KCNH8: variants seen among roughly 807,000 people sequenced by gnomAD.
KCNH8 encodes the protein potassium voltage-gated channel subfamily H member 8, also known as voltage-gated delayed rectifier potassium channel KCNH8.
In KCNH8, 70 loss-of-function variants were observed where a neutral mutation model predicts 103.6. The observed-to-expected ratio is 0.68, with a 90% CI of 0.56 to 0.82. The LOEUF is 0.82. Among genes scored for constraint, KCNH8 ranks in the 40% least tolerant of loss-of-function variants. KCNH8 has a pLI of 0.00. For synonymous variants in KCNH8, 498 were observed against 489.4 expected (o/e 1.02, Z -0.23); for missense variants, 1,217 against 1,329.9 (o/e 0.92, Z 1.32).
chr3:19,262,529 A>G (rs1339610169), intron 2 of KCNH8, among the ~76,000 whole-genome samples: 2 of 152,030 alleles, frequency 1.3e-5, no homozygotes, highest in East Asian at 3.9e-4. Context: ...TTTGAAGCAC[A>G]TGTGACTTCC....
At chr3:19,516,309 T>C (rs957627311) in intron 14 of KCNH8, among the ~76,000 whole-genome samples, 8 of 152,116 alleles carry the variant, frequency 5.3e-5, no homozygotes, top group African/African-American at 1.7e-4. Flanking sequence ...TCTGGTAGAA[T>C]ACCAGCATTT....
chr3:19,271,847 C>T (rs2064593100), intron 2 of KCNH8, among the ~76,000 whole-genome samples: 1 of 152,132 alleles, frequency 6.6e-6, no homozygotes, highest in African/African-American at 2.4e-5. Flanking sequence ...CTGCATGTTC[C>T]TGTTACATCT....
intron 7 of KCNH8, among the ~76,000 whole-genome samples, chr3:19,436,487 C>T (rs188249099): frequency 6.6e-6 from 1 of 152,300 alleles, no homozygotes; most frequent in East Asian, 1.9e-4. Flanking sequence ...TTTTATTTGG[C>T]CCACATAGCC....
chr3:19,242,967 T>TTCCC (rs2064160796), intron 1 of KCNH8, among the ~76,000 whole-genome samples: 1 of 152,168 alleles, frequency 6.6e-6, no homozygotes, highest in Non-Finnish European at 1.5e-5. Flanking sequence ...CTCAGGAGTA[T>TTCCC]TACAGCTCTA....
chr3:19,222,695 T>G (rs572551161), intron 1 of KCNH8, among the ~76,000 whole-genome samples: 1 of 152,264 alleles, frequency 6.6e-6, no homozygotes, highest in East Asian at 1.9e-4. Context: ...TTCAAAACTT[T>G]CCAGATCTAG....
At position 19,395,152 on chromosome 3, in the gene KCNH8, C is replaced by A; in HGVS notation, c.1018C>A (p.Arg340Ser). The change falls in exon 7 of 16, where the codon CGT becomes AGT. Residue 340 changes from arginine (R) to serine (S), a missense_variant. Coordinates refer to ENST00000328405, the MANE Select transcript of KCNH8 (RefSeq NM_144633.3). Reference sequence around the variant, plus strand: ...GACAGTGCGCCTCTTGCGTCTTTTGCGTCTGCTGCAGAAGTTAGACCGCTA... The same window carrying A: ...GACAGTGCGCCTCTTGCGTCTTTTGAGTCTGCTGCAGAAGTTAGACCGCTA... ...LKTVRLLRLLRLLQKLDRYSQ... is the reference protein window; with the variant it reads ...LKTVRLLRLLSLLQKLDRYSQ... 6.2e-7 allele frequency: 1 copy of A among 1,611,030 alleles called. No individual in the cohort carries two copies. The highest frequency in any genetic ancestry group is 8.5e-7 in the Non-Finnish European group (1 of 1,178,556).
intron 13 of KCNH8, among the ~76,000 whole-genome samples, chr3:19,514,329 A>G (rs1189577221): frequency 6.6e-6 from 1 of 152,070 alleles, no homozygotes; most frequent in Non-Finnish European, 1.5e-5. Flanking sequence ...GGCGGATGAT[A>G]TATTTTCAAG....
chr3:19,196,649 T>C (rs545766741), intron 1 of KCNH8, among the ~76,000 whole-genome samples: 5 of 152,134 alleles, frequency 3.3e-5, no homozygotes, highest in Admixed American at 3.3e-4. Flanking sequence ...TCATGCTTGG[T>C]GGAGGCTAAA....
intron 1 of KCNH8, among the ~76,000 whole-genome samples, chr3:19,249,632 T>A (rs1257530496): frequency 6.6e-6 from 1 of 152,128 alleles, no homozygotes; most frequent in African/African-American, 2.4e-5. Flanking sequence ...TAAACAATTA[T>A]AAAGATGCTA....
chr3:19,193,376 A>G (rs907690470), intron 1 of KCNH8, among the ~76,000 whole-genome samples: 1 of 151,616 alleles, frequency 6.6e-6, no homozygotes, highest in Admixed American at 6.6e-5. Flanking sequence ...CAGTCATGCC[A>G]TTCTCTCCCT....
At chr3:19,334,815 G>A (rs1164094123) in intron 3 of KCNH8, among the ~76,000 whole-genome samples, 1 of 150,962 alleles carries the variant, frequency 6.6e-6, no homozygotes, top group Non-Finnish European at 1.5e-5. Flanking sequence ...GCTTTACACT[G>A]TTTTTCACTT....
chr3:19,161,418 T>G (rs2063233027), intron 1 of KCNH8, among the ~76,000 whole-genome samples: 1 of 152,226 alleles, frequency 6.6e-6, no homozygotes, highest in South Asian at 2.1e-4. Context: ...GTTGAAAATT[T>G]TGTTCATTTT....
At chr3:19,287,565 T>C (rs1274859544) in intron 3 of KCNH8, among the ~76,000 whole-genome samples, 3 of 149,130 alleles carry the variant, frequency 2.0e-5, no homozygotes, top group Admixed American at 2.0e-4. Flanking sequence ...CTCCCCACAG[T>C]CCACTTTTTG....
chr3:19,395,260 G>A lies in KCNH8; in HGVS notation c.1126G>A (p.Val376Ile), dbSNP rs1293972177. The A allele has an allele frequency of 8.1e-6, 13 of 1,610,482 alleles. No homozygotes were observed. Among genetic ancestry groups the A allele is most frequent in the Non-Finnish European group, 1.1e-5 (13 of 1,178,372 alleles). ...LAHWMACIWY[V>I]IGKMEREDNS... The stretch of plus-strand genomic sequence containing the variant: ...ACACTGGATGGCGTGTATCTGGTAC[G>A]TCATTGGAAAAATGGAGAGGGAAGA... Residue 376 changes from valine to isoleucine, a missense_variant, in exon 7 of 16, where the codon GTC becomes ATC. Physicochemically the swap from Val to Ile is conservative, Grantham distance 29 (BLOSUM62 3). Coordinates refer to ENST00000328405, the MANE Select transcript of KCNH8 (RefSeq NM_144633.3).
intron 8 of KCNH8, among the ~76,000 whole-genome samples, chr3:19,443,788 A>G (rs1049561649): frequency 1.4e-4 from 22 of 152,014 alleles, no homozygotes; most frequent in African/African-American, 5.1e-4. Flanking sequence ...TAGAAATAAA[A>G]TATAAAAAAT....
intron 2 of KCNH8, among the ~76,000 whole-genome samples, chr3:19,276,559 A>G (rs1187450965): frequency 6.6e-6 from 1 of 152,096 alleles, no homozygotes; most frequent in Non-Finnish European, 1.5e-5. Flanking sequence ...TCCCATCATG[A>G]CAGCACAGTC....
rs540773003 is a variant in KCNH8, at chr3:19,354,448, G to A, written c.811+6483G>A. On this transcript the variant is annotated intron_variant, in intron 5 of 15. Transcript: ENST00000328405. ...GTCAGTCCTAAGCCAAAAGAAGAAA[G>A]CTGGAGGTATCACGCTACCTGACTT... Among the ~76,000 whole-genome samples the A allele has an allele frequency of 6.6e-5, 10 of 152,232 alleles. No individual in the cohort carries two copies. In the South Asian group the frequency reaches 1.7e-3, roughly 25 times the overall value.
At chr3:19,497,957 C>T (rs138747196) in intron 11 of KCNH8, among the ~76,000 whole-genome samples, 2 of 152,122 alleles carry the variant, frequency 1.3e-5, no homozygotes, top group African/African-American at 4.8e-5. Context: ...ATAGTTAGGT[C>T]TTCTTGTTGA....
chr3:19,376,497 C>G (rs945791463), intron 5 of KCNH8, among the ~76,000 whole-genome samples: 1 of 152,182 alleles, frequency 6.6e-6, no homozygotes, highest in African/African-American at 2.4e-5. Context: ...TGCCCACTGT[C>G]TGGCACTCCC....
Sources: allele counts gnomAD v4.1 joint callset (sites outside exome capture counted in the v4.1 genomes callset), GRCh38; gene constraint gnomAD v4.1.1; transcripts MANE v1.5; gene names NCBI Gene and HGNC (gene_info 2026-07-23, HGNC 2026-07-21).